The following CDH15 variants were observed in gnomAD, a reference collection of about 807,000 sequenced individuals.
CDH15 encodes the protein cadherin 15, also known as cadherin-15.
Under a neutral mutation model 69.4 loss-of-function variants are expected in CDH15, and 73 were observed. The ratio of observed to expected loss-of-function variants is 1.05; its 90% CI spans 0.87 to 1.28. CDH15 has a LOEUF of 1.28. Ranked by LOEUF, CDH15 falls within the 50% of genes most tolerant of loss-of-function variation. The pLI, the probability that CDH15 is intolerant of heterozygous loss-of-function variation, is 0.00. For synonymous variants in CDH15, 624 were observed against 507.7 expected (o/e 1.23, Z -3.08); for missense variants, 1,343 against 1,133.6 (o/e 1.18, Z -2.65).
intron 1 of CDH15, among the ~76,000 whole-genome samples, chr16:89,177,673 T>G (rs1002339365): frequency 1.3e-5 from 2 of 151,972 alleles, no homozygotes; most frequent in African/African-American, 4.8e-5. Context: ...CCTGCTGCCC[T>G]CACCAAGTTC....
Position 89,190,208 on chromosome 16 carries a change from T to C in CDH15, c.979-35T>C, listed in dbSNP as rs540229131. On this transcript the variant is annotated intron_variant, in intron 7 of 13. Coordinates refer to ENST00000289746, the MANE Select transcript of CDH15 (RefSeq NM_004933.3). ...CTGCCCTCGGGTGCCCACACTTGCG[T>C]TGGGCGGATGACGGGCTGTGCTTCC... 37 of 1,605,866 alleles carry C rather than the reference T, an allele frequency of 2.3e-5. No individual in the cohort carries two copies. In the African/African-American group the frequency reaches 4.1e-4, roughly 18 times the overall value.
Position 89,187,464 on chromosome 16 carries a change from G to T in CDH15, c.699G>T (p.Ala233=). Residue 233 remains alanine, a synonymous_variant, in exon 6 of 14, where the codon GCG becomes GCT. Transcript: ENST00000289746. The part of the protein sequence containing the change: ...VAVYNLTLQV[A]DMSGDGLTAT... ...TGTACAATCTGACCCTGCAGGTGGC[G>T]GACATGTCTGGAGACGGCCTCACAG... The T allele has an allele frequency of 6.2e-7, 1 of 1,613,504 alleles. No individual in the cohort carries two copies. Among genetic ancestry groups the T allele is most frequent in the South Asian group, 1.1e-5 (1 of 91,078 alleles).
rs1915779304 is a variant in CDH15, at chr16:89,195,275, G to A, written c.*120G>A. On this transcript the variant is annotated 3_prime_UTR_variant, in exon 14 of 14. Transcript: ENST00000289746. The stretch of plus-strand genomic sequence containing the variant: ...GCCTGGGGCAGCCTCCTTCCTGTAG[G>A]CGAGGGCCCAAGTCTGGGGGCAGAA... The A allele has an allele frequency of 1.8e-6, 2 of 1,092,596 alleles. No individual in the cohort carries two copies. Among genetic ancestry groups the A allele is most frequent in the Admixed American group, 5.8e-5 (2 of 34,700 alleles). The allele number at this position is 1,092,596 out of a possible 1,614,324, so 67.7% of individuals were successfully genotyped here.
chr16:89,171,876 A>G lies in CDH15; in HGVS notation c.42+3A>G. 1 of 1,556,718 alleles carries G rather than the reference A, an allele frequency of 6.4e-7. No homozygotes were observed. The highest frequency in any genetic ancestry group is 8.7e-7 in the Non-Finnish European group (1 of 1,154,218). On this transcript the variant is annotated splice_donor_region_variant and intron_variant, in intron 1 of 13. Transcript: ENST00000289746. ...TCGTCCTCGGGCTGTTGGCCCAGGTAAGGCATCGGCACCTGCGGGGGTCCC... is the reference window on the plus strand; with the variant it reads ...TCGTCCTCGGGCTGTTGGCCCAGGTGAGGCATCGGCACCTGCGGGGGTCCC...
In CDH15 at chr16:89,191,402, C is replaced by A. The variant is rs191491461; in HGVS notation, c.1305C>A (p.His435Gln). ...DAATGRIQTQHVLSPASPFLK... is the reference protein window; with the variant it reads ...DAATGRIQTQQVLSPASPFLK... Reference sequence around the variant, plus strand: ...CCACTGGCCGGATCCAGACCCAGCACGTGCTCAGCCCGGCGTCCCCCTTCC... The same window carrying A: ...CCACTGGCCGGATCCAGACCCAGCAAGTGCTCAGCCCGGCGTCCCCCTTCC... Residue 435 changes from histidine (H) to glutamine (Q), a missense_variant, in exon 9 of 14, where the codon CAC (histidine) becomes CAA (glutamine). By Grantham distance (24) the His-to-Gln change is conservative. Coordinates refer to ENST00000289746, the MANE Select transcript of CDH15 (RefSeq NM_004933.3). The A allele has an allele frequency of 1.2e-6, 2 of 1,612,814 alleles. No individual in the cohort carries two copies. Among genetic ancestry groups the A allele is most frequent in the African/African-American group, 1.3e-5 (1 of 75,042 alleles).
At chr16:89,193,340 C>G (rs1915701900) in intron 11 of CDH15, 130 bp from the exon 12 acceptor site, 1 of 547,564 alleles carries the variant, frequency 1.8e-6, no homozygotes, top group Non-Finnish European at 3.1e-6. Context: ...CCCCAACTGC[C>G]GCCCCCTCAA....
intron 7 of CDH15, 47 bp from the exon 8 acceptor site, chr16:89,190,195 GC>G: frequency 6.3e-7 from 1 of 1,599,134 alleles, no homozygotes; most frequent in East Asian, 2.3e-5. Context: ...GCCCTCGGGT[GC>G]CCACACTTGC....
rs577908190 is a variant in CDH15, at chr16:89,188,566, A to G, written c.978+281A>G. On this transcript the variant is annotated intron_variant, in intron 7 of 13. Transcript: ENST00000289746. ...GATGCCCACACACAGATGCCGGCAC[A>G]CACACATGCCGGCACACACAGATGC... 3.6e-3 allele frequency among the ~76,000 whole-genome samples: 525 copies of G among 147,296 alleles called. 2 individuals are homozygous for G. The highest frequency in any genetic ancestry group is 5.4e-3 in the Non-Finnish European group (361 of 66,634).
At chr16:89,185,424 C>T (rs2287355) in intron 5 of CDH15, 91 bp downstream of exon 5, 63,678 of 1,391,224 alleles carry the variant, frequency 0.046, 2,331 homozygotes, top group East Asian at 0.18. Flanking sequence ...CCACCCCAGA[C>T]GCTCCTGTCC....
At position 89,183,811 on chromosome 16, in the gene CDH15, A is replaced by G. The variant is rs577877832; in HGVS notation, c.502+119A>G. 176 of 1,078,106 alleles carry G rather than the reference A, an allele frequency of 1.6e-4. 2 individuals are homozygous for G. The African/African-American group carries it at 2.5e-3, about 15-fold the overall frequency. The allele number at this position is 1,078,106 out of a possible 1,614,324, so 66.8% of individuals were successfully genotyped here. ...CTCAGAGTCTAAAAATAAGTAAACAAGTCTCCGAGGCAGGTCCGTTTCCAC... is the reference window on the plus strand; with the variant it reads ...CTCAGAGTCTAAAAATAAGTAAACAGGTCTCCGAGGCAGGTCCGTTTCCAC... On this transcript the variant is annotated intron_variant, in intron 4 of 13. Coordinates refer to ENST00000289746, the MANE Select transcript of CDH15 (RefSeq NM_004933.3).
rs1915323196 is a variant in CDH15 at position 89,179,327 on chromosome 16, G to A, written c.43-89G>A. On this transcript the variant is annotated intron_variant, in intron 1 of 13. Transcript: ENST00000289746. ...GCTGAGGGAAACACTGCGCCCCGTG[G>A]CCTCCTCACCACCCACAGCTCCCAG... 28 of 1,489,152 alleles carry A rather than the reference G, an allele frequency of 1.9e-5. No individual in the cohort carries two copies. In the South Asian group the frequency reaches 3.2e-4, roughly 17 times the overall value. 92.2% of individuals were successfully genotyped at this position (1,489,152 alleles called of 1,614,324 possible).
intron 5 of CDH15, 99 bp from the exon 6 acceptor site, chr16:89,187,330 G>A (rs1915512524): frequency 2.7e-6 from 4 of 1,460,470 alleles, no homozygotes; most frequent in South Asian, 1.2e-5. Context: ...TGCTCCCGTA[G>A]GAACTGAGCT....
rs537962810 is a variant in CDH15, at chr16:89,188,294, C to T, written c.978+9C>T. 39 of 1,610,400 alleles carry T rather than the reference C, an allele frequency of 2.4e-5. No individual in the cohort carries two copies. The highest frequency in any genetic ancestry group is 2.7e-5 in the African/African-American group (2 of 74,986). ...TTCTGTCCATTGTGAAGGTGAGCGGCCCCCGGCTGGCACACAGATGCCGGC... is the reference window on the plus strand; with the variant it reads ...TTCTGTCCATTGTGAAGGTGAGCGGTCCCCGGCTGGCACACAGATGCCGGC... On this transcript the variant is annotated intron_variant, in intron 7 of 13. Coordinates refer to ENST00000289746, the MANE Select transcript of CDH15 (RefSeq NM_004933.3).
chr16:89,179,688 C>A, intron 2 of CDH15, 114 bp downstream of exon 2: 2 of 1,105,972 alleles, frequency 1.8e-6, no homozygotes, highest in Non-Finnish European at 2.6e-6. Context: ...CAGGACAGAG[C>A]TGAGGCAGGA....
rs1158985832 is a variant in CDH15, at chr16:89,187,686, C to G, written c.792+129C>G. 2.9e-6 allele frequency: 4 copies of G among 1,361,894 alleles called. No individual in the cohort carries two copies. The East Asian group carries it at 9.7e-5, about 33-fold the overall frequency. 84.4% of individuals were successfully genotyped at this position (1,361,894 alleles called of 1,614,324 possible). A position where few individuals can be genotyped will look rare whatever the true frequency, so the allele number is the denominator to read the frequency against. On this transcript the variant is annotated intron_variant, in intron 6 of 13. Coordinates refer to ENST00000289746, the MANE Select transcript of CDH15 (RefSeq NM_004933.3). ...GGTGTGCTTTGGAGAAGGAACTCCG[C>G]GTGGGCGGGTGGAAGCCCAAGCTGG...
intron 3 of CDH15, among the ~76,000 whole-genome samples, chr16:89,182,466 C>T (rs764670592): frequency 6.6e-6 from 1 of 150,796 alleles, no homozygotes; most frequent in Non-Finnish European, 1.5e-5. Context: ...CATGGCAAAA[C>T]CCCATCTCTA....
chr16:89,188,218 A>G lies in CDH15; in HGVS notation c.911A>G (p.Asp304Gly), dbSNP rs1158991007. The change falls in exon 7 of 14, where the codon GAC becomes GGC. Residue 304 changes from aspartate (D) to glycine (G), a missense_variant. By Grantham distance (94) the Asp-to-Gly change is moderately conservative (BLOSUM62 -1). Transcript: ENST00000289746. ...GCCAGGTTCACCATCCTGGAAGGCG[A>G]CCCCGATGGGCAGTTCACCATCCGC... Reference protein sequence around the residue: ...WVARFTILEGDPDGQFTIRTD... With the variant: ...WVARFTILEGGPDGQFTIRTD... The G allele has an allele frequency of 6.2e-7, 1 of 1,613,414 alleles. No individual in the cohort carries two copies. Among genetic ancestry groups the G allele is most frequent in the Admixed American group, 1.7e-5 (1 of 59,984 alleles).
intron 1 of CDH15, among the ~76,000 whole-genome samples, chr16:89,176,295 T>C (rs1915253691): frequency 6.6e-6 from 1 of 152,048 alleles, no homozygotes; most frequent in African/African-American, 2.4e-5. Context: ...GGGTGAGGCA[T>C]TGGCACGGGG....
At chr16:89,190,096 C>G (rs2151603383) in intron 7 of CDH15, 147 bp from the exon 8 acceptor site, 1 of 840,450 alleles carries the variant, frequency 1.2e-6, no homozygotes, top group East Asian at 2.7e-5. Flanking sequence ...TCTTGTCCTG[C>G]ATAATTTGTT....
Sources: allele counts gnomAD v4.1 joint callset (sites outside exome capture counted in the v4.1 genomes callset), GRCh38; gene constraint gnomAD v4.1.1; transcripts MANE v1.5; gene names NCBI Gene and HGNC (gene_info 2026-07-23, HGNC 2026-07-21).